Variants in SLC44A5 observed in about 807,000 individuals in gnomAD.
SLC44A5 encodes choline transporter-like protein 5.
In SLC44A5, 57 loss-of-function variants were observed where a neutral mutation model predicts 101.8. That is an observed-to-expected ratio of 0.56 (90% CI 0.45 to 0.70). The LOEUF is 0.70. Among genes scored for constraint, SLC44A5 ranks in the 30% least tolerant of loss-of-function variants. The pLI, the probability that SLC44A5 is intolerant of heterozygous loss-of-function variation, is 0.00. For missense variants in SLC44A5, 737 were observed against 853.1 expected, an observed-to-expected ratio of 0.86 and a Z score of 1.70; for synonymous variants, 281 against 290.9, an observed-to-expected ratio of 0.97 and a Z score of 0.35.
At chr1:75,633,390 T>A in the SLC44A5 span, among the ~76,000 whole-genome samples, 4 of 152,212 alleles carry the variant, frequency 2.6e-5, no homozygotes, top group Non-Finnish European at 4.4e-5. Context: ...TCCTCTTTTA[T>A]TTCATTGAGC....
chr1:75,592,127 A>G (rs182264269), intron 1 of SLC44A5, among the ~76,000 whole-genome samples: 32 of 152,272 alleles, frequency 2.1e-4, no homozygotes, highest in African/African-American at 7.7e-4. Context: ...ATATTTGGAT[A>G]AACCTAAAGA....
chr1:75,232,928 A>T (rs984474936), intron 12 of SLC44A5, among the ~76,000 whole-genome samples: 2 of 152,206 alleles, frequency 1.3e-5, no homozygotes, highest in Non-Finnish European at 2.9e-5. Flanking sequence ...TCATTGAATG[A>T]CAGAAATAAG....
intron 5 of SLC44A5, among the ~76,000 whole-genome samples, chr1:75,290,617 C>A (rs1653461220): frequency 6.6e-6 from 1 of 152,140 alleles, no homozygotes; most frequent in Admixed American, 6.5e-5. Flanking sequence ...AGAAATTCTA[C>A]AAACTCATGC....
At chr1:75,294,257 C>T (rs909264503) in intron 5 of SLC44A5, among the ~76,000 whole-genome samples, 1 of 152,134 alleles carries the variant, frequency 6.6e-6, no homozygotes, top group Non-Finnish European at 1.5e-5. Context: ...TGTGGTCACA[C>T]CACCAAGTTC....
At chr1:75,591,097 A>G (rs1364834332) in intron 1 of SLC44A5, among the ~76,000 whole-genome samples, 1 of 152,128 alleles carries the variant, frequency 6.6e-6, no homozygotes, top group Non-Finnish European at 1.5e-5. Flanking sequence ...TGTTTGGGAG[A>G]AAGTAGGGGA....
At chr1:75,329,465 T>C (rs1656859381) in intron 4 of SLC44A5, among the ~76,000 whole-genome samples, 1 of 151,944 alleles carries the variant, frequency 6.6e-6, no homozygotes, top group South Asian at 2.1e-4. Context: ...TTTTAGTCAA[T>C]AATAATTATT....
In SLC44A5 at chr1:75,476,836, C is replaced by CA. The variant is rs1667440479; in HGVS notation, c.13+64598dup. On this transcript the variant is annotated intron_variant, in intron 2 of 23. Transcript: ENST00000370859. ...CCTCTGGGGGCAGGGCACAGACAAACAAAAAGACAGCAGTAACCTCTGCAG... is the reference window on the plus strand; with the variant it reads ...CCTCTGGGGGCAGGGCACAGACAAACAAAAAAGACAGCAGTAACCTCTGCAG... Among the ~76,000 whole-genome samples, 5 of 152,238 alleles carry CA rather than the reference C, an allele frequency of 3.3e-5. No individual in the cohort carries two copies. The South Asian group carries it at 1.0e-3, about 31-fold the overall frequency.
At chr1:75,264,923 TAAAAG>T (rs973423521) in intron 6 of SLC44A5, among the ~76,000 whole-genome samples, 1 of 151,060 alleles carries the variant, frequency 6.6e-6, no homozygotes, top group Admixed American at 6.6e-5. Flanking sequence ...AAATCAAAAA[TAAAAG>T]AGGAGACATT....
chr1:75,457,770 T>C (rs1256894934), intron 2 of SLC44A5, among the ~76,000 whole-genome samples: 2 of 151,274 alleles, frequency 1.3e-5, no homozygotes, highest in Admixed American at 6.6e-5. Flanking sequence ...GGCAGGAAAA[T>C]AGCTTGAACC....
chr1:75,504,794 C>A lies in SLC44A5; in HGVS notation c.13+36641G>T, dbSNP rs551975567. 2.6e-5 allele frequency among the ~76,000 whole-genome samples: 4 copies of A among 152,180 alleles called. No homozygotes were observed. In the South Asian group the frequency reaches 8.3e-4, roughly 32 times the overall value. On this transcript the variant is annotated intron_variant, in intron 2 of 23. Coordinates refer to ENST00000370859, the MANE Select transcript of SLC44A5 (RefSeq NM_001130058.2). Reference sequence around the variant, plus strand: ...AAAGTTTTCTGTAACTAGGGAAATACCGCTCTATCCCCCAGTTTGTCAGTG... The same window carrying A: ...AAAGTTTTCTGTAACTAGGGAAATAACGCTCTATCCCCCAGTTTGTCAGTG...
intron 2 of SLC44A5, among the ~76,000 whole-genome samples, chr1:75,478,968 A>G (rs892378620): frequency 2.6e-5 from 4 of 152,176 alleles, no homozygotes; most frequent in African/African-American, 9.7e-5. Context: ...GCACCACACC[A>G]CACCTATTCC....
intron 1 of SLC44A5, among the ~76,000 whole-genome samples, chr1:75,589,099 TTCTC>T (rs140546743): frequency 2.7e-5 from 4 of 150,662 alleles, no homozygotes; most frequent in Admixed American, 1.3e-4. Context: ...CCCTCTCTCT[TTCTC>T]TCTCTCTCTC....
At chr1:75,294,009 A>C (rs146405178) in intron 5 of SLC44A5, among the ~76,000 whole-genome samples, 1 of 152,328 alleles carries the variant, frequency 6.6e-6, no homozygotes, top group East Asian at 1.9e-4. Context: ...TCTGGTTATA[A>C]ATACAATGAT....
chr1:75,607,932 T>A (rs1161800047), intron 1 of SLC44A5, among the ~76,000 whole-genome samples: 5 of 152,112 alleles, frequency 3.3e-5, no homozygotes, highest in African/African-American at 9.6e-5. Context: ...CTATCTATGC[T>A]GTATATTATG....
At chr1:75,429,207 G>A (rs1330720144) in intron 2 of SLC44A5, among the ~76,000 whole-genome samples, 2 of 152,170 alleles carry the variant, frequency 1.3e-5, no homozygotes, top group Non-Finnish European at 2.9e-5. Flanking sequence ...TTTTGTGTTA[G>A]GAGAGATCAG....
intron 1 of SLC44A5, among the ~76,000 whole-genome samples, chr1:75,571,757 A>G (rs1446550951): frequency 6.6e-6 from 1 of 152,192 alleles, no homozygotes; most frequent in Non-Finnish European, 1.5e-5. Context: ...GACATTTTCA[A>G]CTTAAAGTGG....
intron 1 of SLC44A5, among the ~76,000 whole-genome samples, chr1:75,606,602 C>T (rs2102169693): frequency 6.6e-6 from 1 of 152,068 alleles, no homozygotes; most frequent in East Asian, 1.9e-4. Context: ...GTTAACTGTG[C>T]TGTCTTTAAT....
chr1:75,543,444 T>C (rs1185966814), intron 1 of SLC44A5, among the ~76,000 whole-genome samples: 2 of 151,838 alleles, frequency 1.3e-5, no homozygotes, highest in East Asian at 3.9e-4. Flanking sequence ...GCTAACTTTT[T>C]CTCCATGTTT....
intron 23 of SLC44A5, among the ~76,000 whole-genome samples, chr1:75,208,165 G>A (rs925328115): frequency 1.3e-5 from 2 of 152,200 alleles, no homozygotes; most frequent in Admixed American, 6.5e-5. Flanking sequence ...TCGGTTTTTT[G>A]TTTGTTTGTT....
Sources: allele counts gnomAD v4.1 joint callset (sites outside exome capture counted in the v4.1 genomes callset), GRCh38; gene constraint gnomAD v4.1.1; transcripts MANE v1.5; gene names NCBI Gene and HGNC (gene_info 2026-07-23, HGNC 2026-07-21).